Variants in ARHGAP15 observed in about 807,000 individuals in gnomAD.
ARHGAP15 encodes the protein rho GTPase-activating protein 15.
ARHGAP15 carries 51 observed loss-of-function variants against 63.7 expected under a neutral mutation model. The ratio of observed to expected loss-of-function variants is 0.80; its 90% CI spans 0.64 to 1.01. ARHGAP15 has a LOEUF of 1.01. Ranked by LOEUF, ARHGAP15 falls within the 50% of genes least tolerant of loss-of-function variation. The pLI is 0.00. For missense variants in ARHGAP15, 560 were observed against 564.6 expected (o/e 0.99, Z 0.08); for synonymous variants, 191 against 193.8 (o/e 0.99, Z 0.12).
intron 6 of ARHGAP15, among the ~76,000 whole-genome samples, chr2:143,282,324 GA>G (rs1681890228): frequency 6.6e-6 from 1 of 152,018 alleles, no homozygotes; most frequent in African/African-American, 2.4e-5. Context: ...GCATACTGCT[GA>G]TAAAGACATA....
intron 5 of ARHGAP15, among the ~76,000 whole-genome samples, chr2:143,244,312 G>A (rs1195994544): frequency 6.6e-6 from 1 of 152,144 alleles, no homozygotes; most frequent in African/African-American, 2.4e-5. Context: ...AGCAATGTGT[G>A]ACTAACAAGA....
chr2:143,302,522 T>C (rs1682951070), intron 6 of ARHGAP15, among the ~76,000 whole-genome samples: 1 of 152,008 alleles, frequency 6.6e-6, no homozygotes, highest in African/African-American at 2.4e-5. Flanking sequence ...AAAATACTTA[T>C]TTAACTTAGT....
At chr2:143,577,106 C>T (rs1696709154) in intron 11 of ARHGAP15, among the ~76,000 whole-genome samples, 1 of 152,090 alleles carries the variant, frequency 6.6e-6, no homozygotes, top group African/African-American at 2.4e-5. Context: ...ACTTTGGGCT[C>T]AGGTTGGTGA....
Position 143,743,498 on chromosome 2 carries a change from C to CT in ARHGAP15, c.1245-24490dup, listed in dbSNP as rs1231078284. ...GTTCCCGCAGATGTTCTTTCCCTGC[C>CT]TGTGGCCTGTGTTAAGCTGCTTTAT... On this transcript the variant is annotated intron_variant, in intron 13 of 13. Coordinates refer to ENST00000295095, the MANE Select transcript of ARHGAP15 (RefSeq NM_018460.4). Among the ~76,000 whole-genome samples, 8 of 152,138 alleles carry CT rather than the reference C, an allele frequency of 5.3e-5. No individual in the cohort carries two copies. The East Asian group carries it at 1.5e-3, about 29-fold the overall frequency.
intron 13 of ARHGAP15, among the ~76,000 whole-genome samples, chr2:143,711,946 A>C (rs1684599635): frequency 6.6e-6 from 1 of 152,192 alleles, no homozygotes; most frequent in African/African-American, 2.4e-5. Flanking sequence ...AAAACAAAAC[A>C]AAACCTGTAG....
intron 11 of ARHGAP15, among the ~76,000 whole-genome samples, chr2:143,570,193 A>G (rs1233489218): frequency 3.3e-5 from 5 of 152,302 alleles, no homozygotes; most frequent in Non-Finnish European, 7.3e-5. Flanking sequence ...GAAGTATAAC[A>G]TTTTTTAAAG....
chr2:143,707,489 T>A (rs903888531), intron 13 of ARHGAP15, among the ~76,000 whole-genome samples: 2 of 152,240 alleles, frequency 1.3e-5, no homozygotes, highest in Non-Finnish European at 2.9e-5. Flanking sequence ...TGAAATAGGA[T>A]GAATCCGATT....
In ARHGAP15 at chr2:143,330,122, AAAAAAAAAACC is replaced by A. The variant is rs1558897956; in HGVS notation, c.474+79528_474+79538del. 9.3e-4 allele frequency among the ~76,000 whole-genome samples: 76 copies of A among 81,416 alleles called. 9 individuals are homozygous for A. The highest frequency in any genetic ancestry group is 1.7e-3 in the Non-Finnish European group (63 of 37,824). The allele number at this position is 81,416 out of a possible 152,430, so 53.4% of individuals were successfully genotyped here. ...AAAAAAAAAAAAAAAAAAAAAAAAA[AAAAAAAAAACC>A]AAAAACAAAAAACTAAACTAATGAT... On this transcript the variant is annotated intron_variant, in intron 6 of 13. Transcript: ENST00000295095.
intron 13 of ARHGAP15, among the ~76,000 whole-genome samples, chr2:143,726,632 C>CTGTGAA (rs1685292052): frequency 6.6e-6 from 1 of 152,186 alleles, no homozygotes; most frequent in African/African-American, 2.4e-5. Flanking sequence ...TTGGGAGCAT[C>CTGTGAA]TGTGAATGTG....
intron 8 of ARHGAP15, among the ~76,000 whole-genome samples, chr2:143,478,696 T>G (rs1691935931): frequency 6.9e-6 from 1 of 144,930 alleles, no homozygotes; most frequent in Non-Finnish European, 1.6e-5. Flanking sequence ...CTTCAAAATA[T>G]TAGTCATTAT....
intron 6 of ARHGAP15, among the ~76,000 whole-genome samples, chr2:143,427,531 C>T (rs1689187289): frequency 6.6e-6 from 1 of 151,460 alleles, no homozygotes; most frequent in South Asian, 2.1e-4. Flanking sequence ...ATTACCAAAG[C>T]CTATATTTAG....
intron 13 of ARHGAP15, among the ~76,000 whole-genome samples, chr2:143,741,992 G>C (rs1169849011): frequency 1.3e-5 from 2 of 152,130 alleles, no homozygotes; most frequent in Non-Finnish European, 2.9e-5. Flanking sequence ...AAATATAATT[G>C]ATCCCATTAA....
intron 12 of ARHGAP15, among the ~76,000 whole-genome samples, chr2:143,628,263 C>T (rs1178727712): frequency 1.3e-5 from 2 of 152,066 alleles, no homozygotes; most frequent in African/African-American, 2.4e-5. Flanking sequence ...TCTTTGCTAT[C>T]GTGAATAGTG....
intron 10 of ARHGAP15, chr2:143,522,144 A>G (rs1430099551): frequency 6.6e-6 from 1 of 152,176 alleles, no homozygotes; most frequent in African/African-American, 2.4e-5. Context: ...CAATAAACTG[A>G]ATGTGAACCA....
At chr2:143,559,391 A>T (rs1003593923) in intron 11 of ARHGAP15, among the ~76,000 whole-genome samples, 2 of 152,222 alleles carry the variant, frequency 1.3e-5, no homozygotes, top group African/African-American at 4.8e-5. Context: ...GGCTGGACAG[A>T]GGCCTGAGTT....
chr2:143,250,492 T>C lies in ARHGAP15; in HGVS notation c.385-19T>C, dbSNP rs1680103283. On this transcript the variant is annotated intron_variant, in intron 5 of 13. Coordinates refer to ENST00000295095, the MANE Select transcript of ARHGAP15 (RefSeq NM_018460.4). ...CAGTGTTGCATCCTCTTATTCTTAC[T>C]TCATTTTTGTGATTACAGAAAACTG... 6.2e-7 allele frequency: 1 copy of C among 1,601,916 alleles called. No individual in the cohort carries two copies. Among genetic ancestry groups the C allele is most frequent in the Admixed American group, 1.7e-5 (1 of 59,936 alleles).
At chr2:143,166,118 A>G (rs1486083401) in intron 2 of ARHGAP15, among the ~76,000 whole-genome samples, 5 of 152,138 alleles carry the variant, frequency 3.3e-5, no homozygotes, top group Non-Finnish European at 5.9e-5. Context: ...TTTGACTTTT[A>G]GACAGGTTAT....
chr2:143,502,599 G>C (rs1355403239), intron 9 of ARHGAP15, among the ~76,000 whole-genome samples: 1 of 151,842 alleles, frequency 6.6e-6, no homozygotes. Context: ...TTTGTTTTGA[G>C]ATGGAGTTTC....
intron 6 of ARHGAP15, among the ~76,000 whole-genome samples, chr2:143,322,341 TATTTA>T (rs1354976952): frequency 6.6e-6 from 1 of 152,206 alleles, no homozygotes; most frequent in Admixed American, 6.5e-5. Context: ...ATACATTTAC[TATTTA>T]AGGTGTTACT....
Sources: gnomAD v4.1 joint callset for allele counts (sites outside exome capture counted in the v4.1 genomes callset) on GRCh38, gnomAD v4.1.1 for gene constraint, MANE v1.5 for transcripts, NCBI Gene and HGNC (gene_info 2026-07-23, HGNC 2026-07-21) for gene names.